Variants in BANK1 observed in about 807,000 individuals in gnomAD.
The protein encoded by BANK1 is B cell scaffold protein with ankyrin repeats 1.
In BANK1, 95 loss-of-function variants were observed where a neutral mutation model predicts 94.5. That is an observed-to-expected ratio of 1.00 (90% CI 0.85 to 1.19). The LOEUF is 1.19. Among genes scored for constraint, BANK1 ranks in the 50% most tolerant of loss-of-function variants. BANK1 has a pLI of 0.00. For synonymous variants in BANK1, 334 were observed against 308.4 expected, an observed-to-expected ratio of 1.08 and a Z score of -0.87; for missense variants, 987 against 932.2, an observed-to-expected ratio of 1.06 and a Z score of -0.77.
At chr4:102,023,897 T>G (rs920446027) in intron 8 of BANK1, among the ~76,000 whole-genome samples, 12 of 152,214 alleles carry the variant, frequency 7.9e-5, no homozygotes, top group Admixed American at 7.9e-4. Flanking sequence ...ATCTACTCCA[T>G]CAGCATTTCT....
rs79055713 is a variant in BANK1, at chr4:101,960,322, A to G, written c.1206+42133A>G. ...TACTCAAGGTAGATGTAGATAATTT[A>G]CAGTCATATACAAGTTAAAAATTGA... On this transcript the variant is annotated intron_variant, in intron 7 of 16. Transcript: ENST00000322953. Among the ~76,000 whole-genome samples, 848 of 152,262 alleles carry G rather than the reference A, an allele frequency of 5.6e-3. 15 individuals are homozygous for G. In the East Asian group the frequency reaches 0.056, roughly 10 times the overall value.
chr4:101,796,567 T>C (rs944106523), intron 1 of BANK1, among the ~76,000 whole-genome samples: 1 of 152,172 alleles, frequency 6.6e-6, no homozygotes, highest in Admixed American at 6.5e-5. Context: ...TTAGTGAAAT[T>C]TGAAGAAAGT....
At chr4:101,824,000 A>T (rs1726271444) in intron 1 of BANK1, among the ~76,000 whole-genome samples, 1 of 152,236 alleles carries the variant, frequency 6.6e-6, no homozygotes, top group Non-Finnish European at 1.5e-5. Context: ...TAAGAAAGGG[A>T]GAAAAGACAA....
Position 101,886,928 on chromosome 4 carries a change from T to C in BANK1, c.904-8377T>C, listed in dbSNP as rs564644486. Among the ~76,000 whole-genome samples the C allele has an allele frequency of 5.3e-5, 8 of 152,340 alleles. No individual in the cohort carries two copies. In the East Asian group the frequency reaches 1.3e-3, roughly 26 times the overall value. On this transcript the variant is annotated intron_variant, in intron 5 of 16. Coordinates refer to ENST00000322953, the MANE Select transcript of BANK1 (RefSeq NM_017935.5). ...CGTTCCCCAGTATTTTTTTTTCCTT[T>C]CTTACAGCATAATATAACATTCATC...
intron 7 of BANK1, among the ~76,000 whole-genome samples, chr4:101,990,687 C>T (rs1016157779): frequency 1.3e-4 from 20 of 152,198 alleles, no homozygotes; most frequent in Non-Finnish European, 2.2e-4. Context: ...CCTGGCCTTA[C>T]TTCCTACAAA....
At chr4:101,961,025 G>GA (rs1724549327) in intron 7 of BANK1, among the ~76,000 whole-genome samples, 1 of 152,154 alleles carries the variant, frequency 6.6e-6, no homozygotes, top group Admixed American at 6.6e-5. Flanking sequence ...GTCAGATGCT[G>GA]AAAATATGTA....
intron 7 of BANK1, among the ~76,000 whole-genome samples, chr4:101,964,241 G>T (rs1200650552): frequency 6.6e-6 from 1 of 151,986 alleles, no homozygotes; most frequent in Non-Finnish European, 1.5e-5. Flanking sequence ...CTAAAGTTTG[G>T]TGGGCCATCC....
intron 2 of BANK1, among the ~76,000 whole-genome samples, chr4:101,840,344 A>T (rs954049813): frequency 1.3e-5 from 2 of 152,174 alleles, no homozygotes; most frequent in Non-Finnish European, 1.5e-5. Flanking sequence ...AATAATTTTT[A>T]AATTTAAAGA....
At chr4:101,793,088 G>C (rs1725050728) in intron 1 of BANK1, among the ~76,000 whole-genome samples, 1 of 151,918 alleles carries the variant, frequency 6.6e-6, no homozygotes, top group Non-Finnish European at 1.5e-5. Context: ...AATTTTTATT[G>C]ATATTATTGG....
At chr4:101,875,382 A>G (rs1399468818) in intron 5 of BANK1, among the ~76,000 whole-genome samples, 5 of 152,348 alleles carry the variant, frequency 3.3e-5, no homozygotes, top group Middle Eastern at 3.4e-3. Context: ...TAATTTATAA[A>G]GAAAAGAGGT....
intron 5 of BANK1, among the ~76,000 whole-genome samples, chr4:101,890,894 TGAGTG>T (rs1198097381): frequency 1.3e-5 from 2 of 151,886 alleles, no homozygotes; most frequent in East Asian, 3.9e-4. Flanking sequence ...TTTACCAGTT[TGAGTG>T]AAGTATAAAA....
intron 2 of BANK1, among the ~76,000 whole-genome samples, chr4:101,854,183 A>G (rs1349795222): frequency 6.6e-6 from 1 of 151,996 alleles, no homozygotes; most frequent in African/African-American, 2.4e-5. Flanking sequence ...GGTGGGCATG[A>G]GTTTATAGAT....
chr4:101,808,082 CAAA>C (rs774397564), intron 1 of BANK1, among the ~76,000 whole-genome samples: 1 of 74,744 alleles, frequency 1.3e-5, no homozygotes, highest in Non-Finnish European at 2.9e-5. Context: ...GCAAGACTCT[CAAA>C]AAAAAAAAAA....
At chr4:101,878,984 C>A in intron 5 of BANK1, among the ~76,000 whole-genome samples, 1 of 127,256 alleles carries the variant, frequency 7.9e-6, no homozygotes. Flanking sequence ...TCTATAAGTG[C>A]CTATGTCAAA....
At chr4:102,026,992 A>G (rs186757628) in intron 9 of BANK1, among the ~76,000 whole-genome samples, 1 of 152,242 alleles carries the variant, frequency 6.6e-6, no homozygotes, top group East Asian at 1.9e-4. Flanking sequence ...TGATTCATTC[A>G]TTCATTCAAC....
At chr4:101,838,987 A>T (rs1726932461) in intron 2 of BANK1, among the ~76,000 whole-genome samples, 1 of 152,236 alleles carries the variant, frequency 6.6e-6, no homozygotes, top group Admixed American at 6.5e-5. Context: ...TATATTTCAC[A>T]CAGGAATAGA....
In BANK1 at chr4:101,830,057, C is replaced by A; in HGVS notation, c.320C>A (p.Ser107Ter). Residue 107 changes from serine to a stop codon, truncating the protein, a stop_gained, in exon 2 of 17, where the codon TCA (serine) becomes TAA (stop). Coordinates refer to ENST00000322953, the MANE Select transcript of BANK1 (RefSeq NM_017935.5). LOFTEE classifies it high-confidence loss of function. ...CAGTTTCTGGAAAAGATACTTCATT[C>A]ACCAAAAAGTGTAGTTACTTTGCTT... ...KCQFLEKILH[S>*]PKSVVTLLCG... 6.2e-7 allele frequency: 1 copy of A among 1,613,728 alleles called. No individual in the cohort carries two copies. Among genetic ancestry groups the A allele is most frequent in the Non-Finnish European group, 8.5e-7 (1 of 1,179,880 alleles).
intron 6 of BANK1, among the ~76,000 whole-genome samples, chr4:101,915,539 T>C (rs1217102322): frequency 2.0e-5 from 3 of 152,084 alleles, no homozygotes; most frequent in Admixed American, 2.0e-4. Flanking sequence ...CTTGAGACAA[T>C]TAACAAGAGA....
At position 102,010,254 on chromosome 4, in the gene BANK1, A is replaced by G. The variant is rs573897967; in HGVS notation, c.1207-11260A>G. Among the ~76,000 whole-genome samples, 109 of 152,194 alleles carry G rather than the reference A, an allele frequency of 7.2e-4. 1 individual carries two copies. Among genetic ancestry groups the G allele is most frequent in the East Asian group, 2.9e-3 (15 of 5,164 alleles). ...CACTCCAGCCTGGGCGACAGAGTGA[A>G]ACTCCATCTCAAAAACAAACAAACA... On this transcript the variant is annotated intron_variant, in intron 7 of 16. Transcript: ENST00000322953.
Sources: allele counts gnomAD v4.1 joint callset (sites outside exome capture counted in the v4.1 genomes callset), GRCh38; gene constraint gnomAD v4.1.1; transcripts MANE v1.5; gene names NCBI Gene and HGNC (gene_info 2026-07-23, HGNC 2026-07-21).